Variants in SLC35D4 observed in about 807,000 individuals in gnomAD.
The protein encoded by SLC35D4 is UDP-N-acetylglucosamine transporter SLC35D4.
chr18:23,340,355 A>G, the SLC35D4 span, among the ~76,000 whole-genome samples: 2 of 151,994 alleles, frequency 1.3e-5, no homozygotes, highest in African/African-American at 4.8e-5. Flanking sequence ...AAAATCAAGT[A>G]TATCTTAAAA....
chr18:23,411,539 A>AAGAAAGAAAGAAAGAAAGAAAGAC, the SLC35D4 span, among the ~76,000 whole-genome samples: 1 of 149,642 alleles, frequency 6.7e-6, no homozygotes, highest in South Asian at 2.1e-4. Context: ...GAAAGAAAGA[A>AAGAAAGAAAGAAAGAAAGAAAGAC]AGAAAGAAAG....
the SLC35D4 span, among the ~76,000 whole-genome samples, chr18:23,397,166 C>A: frequency 2.6e-5 from 4 of 152,090 alleles, no homozygotes; most frequent in Admixed American, 2.6e-4. Flanking sequence ...TATCTGGGAC[C>A]CAGGCAGAGA....
the SLC35D4 span, among the ~76,000 whole-genome samples, chr18:23,382,740 C>T: frequency 6.6e-6 from 1 of 152,236 alleles, no homozygotes; most frequent in African/African-American, 2.4e-5. Context: ...AACCCTCCAA[C>T]TGCACAGAGA....
the SLC35D4 span, among the ~76,000 whole-genome samples, chr18:23,362,129 T>A: frequency 6.6e-6 from 1 of 152,326 alleles, no homozygotes; most frequent in Non-Finnish European, 1.5e-5. Context: ...ACCTAAAAGT[T>A]TAGCAATAAC....
the SLC35D4 span, among the ~76,000 whole-genome samples, chr18:23,370,799 G>A: frequency 6.6e-6 from 1 of 152,276 alleles, no homozygotes; most frequent in Non-Finnish European, 1.5e-5. Flanking sequence ...CATTTCTAGA[G>A]AAGACCAATC....
the SLC35D4 span, among the ~76,000 whole-genome samples, chr18:23,285,171 A>T: frequency 6.6e-6 from 1 of 151,604 alleles, no homozygotes; most frequent in East Asian, 1.9e-4. Flanking sequence ...CCGACCTCTT[A>T]TCTGTGCCCC....
the SLC35D4 span, among the ~76,000 whole-genome samples, chr18:23,265,556 C>CAA: frequency 1.5e-4 from 15 of 98,356 alleles, no homozygotes; most frequent in Non-Finnish European, 2.2e-4. Context: ...ACATGGCTCT[C>CAA]AAAAAAAAAA....
the SLC35D4 span, among the ~76,000 whole-genome samples, chr18:23,273,338 G>A: frequency 5.9e-5 from 9 of 152,360 alleles, no homozygotes; most frequent in East Asian, 1.7e-3. Flanking sequence ...GTAAATGTGG[G>A]CAGGTGTGTA....
At chr18:23,297,876 C>A in the SLC35D4 span, 3 of 1,077,186 alleles carry the variant, frequency 2.8e-6, no homozygotes, top group Non-Finnish European at 2.7e-6. Flanking sequence ...GCACTGCCCA[C>A]CTGGCCTCAC....
chr18:23,250,531 A>G, the SLC35D4 span, among the ~76,000 whole-genome samples: 1 of 152,156 alleles, frequency 6.6e-6, no homozygotes, highest in South Asian at 2.1e-4. Flanking sequence ...TTTGTTGGAG[A>G]TGAAATAGAG....
At chr18:23,280,057 A>T in the SLC35D4 span, among the ~76,000 whole-genome samples, 1 of 152,228 alleles carries the variant, frequency 6.6e-6, no homozygotes, top group Non-Finnish European at 1.5e-5. Flanking sequence ...CGGCAGCCCT[A>T]GGAAATGAAT....
At chr18:23,256,563 C>G in the SLC35D4 span, among the ~76,000 whole-genome samples, 3 of 152,192 alleles carry the variant, frequency 2.0e-5, no homozygotes. Flanking sequence ...TCACTGCAAC[C>G]TCCACCTCCC....
chr18:23,242,626 A>C, the SLC35D4 span, among the ~76,000 whole-genome samples: 1 of 152,196 alleles, frequency 6.6e-6, no homozygotes, highest in Non-Finnish European at 1.5e-5. Context: ...AACAAAATTC[A>C]GTTACCTGAA....
At chr18:23,341,768 C>T in the SLC35D4 span, among the ~76,000 whole-genome samples, 2 of 152,012 alleles carry the variant, frequency 1.3e-5, no homozygotes, top group South Asian at 2.1e-4. Flanking sequence ...CTTGATGTAC[C>T]CGAGGCTGGA....
the SLC35D4 span, among the ~76,000 whole-genome samples, chr18:23,380,100 CA>C: frequency 3.8e-4 from 57 of 150,962 alleles, no homozygotes; most frequent in South Asian, 1.3e-3. Context: ...GTCTCAAAAA[CA>C]AAACAAAAAA....
chr18:23,429,390 CTT>C, the SLC35D4 span, among the ~76,000 whole-genome samples: 2 of 151,986 alleles, frequency 1.3e-5, no homozygotes, highest in South Asian at 2.1e-4. Flanking sequence ...GATTTTCACT[CTT>C]GTTACCCAGG....
the SLC35D4 span, among the ~76,000 whole-genome samples, chr18:23,357,537 C>T: frequency 6.6e-6 from 1 of 152,238 alleles, no homozygotes. Context: ...GTCTTCCAGA[C>T]CCCTGGGCCT....
At chr18:23,418,932 C>T in the SLC35D4 span, among the ~76,000 whole-genome samples, 2 of 151,580 alleles carry the variant, frequency 1.3e-5, no homozygotes, top group African/African-American at 4.8e-5. Flanking sequence ...GGCATGAACC[C>T]GGGAGACGGA....
chr18:23,281,755 CAG>C, the SLC35D4 span, among the ~76,000 whole-genome samples: 3 of 152,164 alleles, frequency 2.0e-5, no homozygotes, highest in African/African-American at 7.2e-5. Context: ...CTGCCAGAAC[CAG>C]AGAGATTTTG....
Sources: gnomAD v4.1 joint callset for allele counts (sites outside exome capture counted in the v4.1 genomes callset) on GRCh38, gnomAD v4.1.1 for gene constraint, MANE v1.5 for transcripts, NCBI Gene and HGNC (gene_info 2026-07-23, HGNC 2026-07-21) for gene names.